The following KIFC1 variants were observed in gnomAD, a reference collection of about 807,000 sequenced individuals.
KIFC1 encodes kinesin family member C1.
A neutral mutation model predicts 66.6 loss-of-function variants in KIFC1; 37 were observed. That is an observed-to-expected ratio of 0.56 (90% CI 0.43 to 0.73). KIFC1 has a LOEUF of 0.73. KIFC1 is among the 30% of genes least tolerant of loss of function. The pLI, the probability that KIFC1 is intolerant of heterozygous loss-of-function variation, is 0.00. For missense variants in KIFC1, 721 were observed against 859.8 expected, an observed-to-expected ratio of 0.84 and a Z score of 2.02; for synonymous variants, 325 against 343.5, an observed-to-expected ratio of 0.95 and a Z score of 0.60.
intron 1 of KIFC1, 51 bp from the exon 2 acceptor site, chr6:33,397,978 T>C (rs1330591653): frequency 1.2e-6 from 2 of 1,600,214 alleles, no homozygotes; most frequent in East Asian, 2.2e-5. Context: ...AGGAAGTTCT[T>C]GGGACATTTG....
chr6:33,398,618 A>G (rs553310583), intron 3 of KIFC1, among the ~76,000 whole-genome samples: 28 of 152,182 alleles, frequency 1.8e-4, no homozygotes, highest in African/African-American at 6.0e-4. Flanking sequence ...TGCCCACACC[A>G]TGCCCAGCTA....
chr6:33,405,611 C>T lies in KIFC1; in HGVS notation c.1516C>T (p.Pro506Ser), dbSNP rs768967939. ...CACTGTCACCAATGCTCGATATGTC[C>T]CTGTCTCCTGTGAGAAAGAAGTGAG... ...ELTVTNARYV[P>S]VSCEKEVDAL... is the part of the protein sequence containing the mutation. The change falls in exon 7 of 11, where the codon CCT becomes TCT. Residue 506 changes from proline to serine, a missense_variant. Physicochemically the swap from Pro to Ser is moderately conservative, Grantham distance 74. Transcript: ENST00000428849. This position sits in a 1 kb window ranked among gnomAD's most constrained non-coding sequence, Gnocchi z 5.4. 1.3e-6 allele frequency: 2 copies of T among 1,521,032 alleles called. No individual in the cohort carries two copies. The highest frequency in any genetic ancestry group is 1.8e-6 in the Non-Finnish European group (2 of 1,138,090). 94.2% of individuals were successfully genotyped at this position (1,521,032 alleles called of 1,614,324 possible).
At position 33,409,857 on chromosome 6, in the gene KIFC1, G is replaced by GTTT; in HGVS notation, c.*175_*177dup. The GTTT allele has an allele frequency of 1.7e-6, 1 of 604,048 alleles. No individual in the cohort carries two copies. The highest frequency in any genetic ancestry group is 2.7e-6 in the Non-Finnish European group (1 of 364,184). 37.4% of individuals were successfully genotyped at this position (604,048 alleles called of 1,614,324 possible). On this transcript the variant is annotated 3_prime_UTR_variant, in exon 11 of 11. Transcript: ENST00000428849. ...GGGCTATCAAATAAAGAATAGTTTG[G>GTTT]TTTTTTTTTTAAATAAAGGTTTTAT...
intron 1 of KIFC1, among the ~76,000 whole-genome samples, chr6:33,393,688 C>A (rs541296027): frequency 2.6e-5 from 4 of 151,560 alleles, no homozygotes; most frequent in African/African-American, 9.7e-5. Flanking sequence ...TCAAGCAATT[C>A]GCCTGCCTCG....
In KIFC1 at chr6:33,404,045, G is replaced by A. The variant is rs1282941742; in HGVS notation, c.672G>A (p.Glu224=). 1 of 1,614,096 alleles carries A rather than the reference G, an allele frequency of 6.2e-7. No individual in the cohort carries two copies. The highest frequency in any genetic ancestry group is 8.5e-7 in the Non-Finnish European group (1 of 1,180,044). ...LELEERLSTQ[E]GLVQELQKKQ... ...TGGAAGAGCGGCTGAGCACGCAGGA[G>A]GGCTTGGTGCAAGAGCTTCAGAAAA... Residue 224 remains glutamate (E), a synonymous_variant, in exon 6 of 11, where the codon GAG becomes GAA. Transcript: ENST00000428849. This position sits in a 1 kb window ranked among gnomAD's most constrained non-coding sequence, Gnocchi z 4.0.
intron 10 of KIFC1, among the ~76,000 whole-genome samples, chr6:33,407,873 C>T (rs749028272): frequency 7.2e-5 from 11 of 152,212 alleles, no homozygotes; most frequent in East Asian, 1.9e-4. Flanking sequence ...TCCTCCTGCG[C>T]GTATAGCCCT....
Position 33,403,063 on chromosome 6 carries a change from C to A in KIFC1, c.251-251C>A, listed in dbSNP as rs1775457119. On this transcript the variant is annotated intron_variant, in intron 3 of 10. Transcript: ENST00000428849. The surrounding 1 kb of genome is among the most constrained non-coding windows in gnomAD (Gnocchi z 4.6). ...ACTATATACCTATTTATGTAAGGGA[C>A]TTGGGCATCCTTGGATTTTGGTATT... Among the ~76,000 whole-genome samples, 1 of 152,024 alleles carries A rather than the reference C, an allele frequency of 6.6e-6. No homozygotes were observed. The highest frequency in any genetic ancestry group is 6.6e-5 in the Admixed American group (1 of 15,258).
Position 33,400,877 on chromosome 6 carries a change from C to G in KIFC1, c.251-2437C>G, listed in dbSNP as rs1775338364. On this transcript the variant is annotated intron_variant, in intron 3 of 10. Transcript: ENST00000428849. This position sits in a 1 kb window ranked among gnomAD's most constrained non-coding sequence, Gnocchi z 4.3. ...CCATGTTAGCCAGGATGGTCTCGAT[C>G]TCCTGACCTCGTGATCTGCCTGCCT... is the stretch of plus-strand genomic sequence containing the variant. 6.6e-6 allele frequency among the ~76,000 whole-genome samples: 1 copy of G among 152,226 alleles called. No individual in the cohort carries two copies. The highest frequency in any genetic ancestry group is 2.4e-5 in the African/African-American group (1 of 41,460).
At chr6:33,393,313 C>T (rs1774875765) in intron 1 of KIFC1, among the ~76,000 whole-genome samples, 1 of 152,044 alleles carries the variant, frequency 6.6e-6, no homozygotes, top group South Asian at 2.1e-4. Flanking sequence ...CACAGTTTGT[C>T]CTTGTGGGGG....
At chr6:33,398,228 G>C in intron 2 of KIFC1, 60 bp from the exon 3 acceptor site, 1 of 1,613,618 alleles carries the variant, frequency 6.2e-7, no homozygotes, top group Non-Finnish European at 8.5e-7. Context: ...AAAGAAAGGA[G>C]AGAGAGAGTA....
At chr6:33,402,819 C>G (rs562925944) in intron 3 of KIFC1, among the ~76,000 whole-genome samples, 43 of 150,438 alleles carry the variant, frequency 2.9e-4, no homozygotes, top group Middle Eastern at 7.1e-3. Flanking sequence ...GAAACCCCGT[C>G]TTTACTAAAA....
chr6:33,409,728 TGTGTGTGTGTGTGTGTG>T lies in KIFC1; in HGVS notation c.*39_*55del, dbSNP rs1775845954. ...ATCTGTGTGTGTGTGTGTGTGTGTG[TGTGTGTGTGTGTGTGTG>T]TGTGTGTGTCCCTATGTCTATGTAT... On this transcript the variant is annotated 3_prime_UTR_variant, in exon 11 of 11. Coordinates refer to ENST00000428849, the MANE Select transcript of KIFC1 (RefSeq NM_002263.4). The T allele has an allele frequency of 2.8e-6, 4 of 1,444,756 alleles. No homozygotes were observed. Among genetic ancestry groups the T allele is most frequent in the Non-Finnish European group, 3.8e-6 (4 of 1,044,488 alleles). 89.5% of individuals were successfully genotyped at this position (1,444,756 alleles called of 1,614,324 possible). A position where few individuals can be genotyped will look rare whatever the true frequency, so the allele number is the denominator to read the frequency against.
intron 1 of KIFC1, among the ~76,000 whole-genome samples, chr6:33,393,786 C>T (rs1369687853): frequency 1.5e-5 from 2 of 132,388 alleles, no homozygotes; most frequent in African/African-American, 5.7e-5. Flanking sequence ...CACGCTCTGT[C>T]GCCAGCCTGG....
In KIFC1 at chr6:33,401,917, G is replaced by A. The variant is rs1775393649; in HGVS notation, c.251-1397G>A. Among the ~76,000 whole-genome samples, 1 of 152,124 alleles carries A rather than the reference G, an allele frequency of 6.6e-6. No homozygotes were observed. Among genetic ancestry groups the A allele is most frequent in the African/African-American group, 2.4e-5 (1 of 41,432 alleles). On this transcript the variant is annotated intron_variant, in intron 3 of 10. Transcript: ENST00000428849. The surrounding 1 kb of genome is among the most constrained non-coding windows in gnomAD (Gnocchi z 4.5). ...AGACGGGGTTTCACCGTGTTAGCCA[G>A]GATGGTCTCAATCTCCTGACCCCTT...
At chr6:33,391,773 G>T, upstream of KIFC1, 1 of 646,956 alleles carries the variant, frequency 1.5e-6, no homozygotes, top group South Asian at 1.8e-5. Flanking sequence ...TGGCGACAGC[G>T]ACGATTGGTC....
At position 33,399,951 on chromosome 6, in the gene KIFC1, AT is replaced by A. The variant is rs968390366; in HGVS notation, c.250+1572del. 31 of 572,702 alleles carry A rather than the reference AT, an allele frequency of 5.4e-5. 1 individual carries two copies. Among genetic ancestry groups the A allele is most frequent in the South Asian group, 3.8e-4 (17 of 45,198 alleles). 35.5% of individuals were successfully genotyped at this position (572,702 alleles called of 1,614,324 possible). A position where few individuals can be genotyped will look rare whatever the true frequency, so the allele number is the denominator to read the frequency against. On this transcript the variant is annotated intron_variant, in intron 3 of 10. Coordinates refer to ENST00000428849, the MANE Select transcript of KIFC1 (RefSeq NM_002263.4). Reference sequence around the variant, plus strand: ...AACTATTTTACTTTATAAACTTAACATTTTTTTTCCCACTTGCCAAGGCTGA... The same window carrying A: ...AACTATTTTACTTTATAAACTTAACATTTTTTTCCCACTTGCCAAGGCTGA...
intron 1 of KIFC1, among the ~76,000 whole-genome samples, chr6:33,393,592 C>T (rs1002281015): frequency 4.0e-5 from 6 of 151,588 alleles, no homozygotes; most frequent in African/African-American, 1.5e-4. Context: ...AGGCAGCTGC[C>T]ACCATGCCTG....
Position 33,408,106 on chromosome 6 carries a change from C to G in KIFC1, c.1977+1231C>G, listed in dbSNP as rs189503992. ...TATTAATGTTATACCAATGTAACAT[C>G]CAACAACATGAACTTTAATATCCTC... On this transcript the variant is annotated intron_variant, in intron 10 of 10. Coordinates refer to ENST00000428849, the MANE Select transcript of KIFC1 (RefSeq NM_002263.4). 7.7e-4 allele frequency among the ~76,000 whole-genome samples: 117 copies of G among 152,312 alleles called. 1 individual carries two copies. In the East Asian group the frequency reaches 0.022, roughly 29 times the overall value.
At chr6:33,396,647 A>G (rs1156718606) in intron 1 of KIFC1, among the ~76,000 whole-genome samples, 1 of 148,670 alleles carries the variant, frequency 6.7e-6, no homozygotes, top group Non-Finnish European at 1.5e-5. Flanking sequence ...AGCTTCTAGA[A>G]TAGCCCCTTT....
Sources: allele counts gnomAD v4.1 joint callset (sites outside exome capture counted in the v4.1 genomes callset), GRCh38; gene constraint gnomAD v4.1.1; non-coding constraint Gnocchi (gnomAD v3.1); transcripts MANE v1.5; gene names NCBI Gene and HGNC (gene_info 2026-07-23, HGNC 2026-07-21).